The following CSNK1G1 variants were observed in gnomAD, a reference collection of about 807,000 sequenced individuals.
CSNK1G1 encodes the protein casein kinase I isoform gamma-1.
In CSNK1G1, 22 loss-of-function variants were observed where a neutral mutation model predicts 59.6. The ratio of observed to expected loss-of-function variants is 0.37; its 90% CI spans 0.26 to 0.53. The LOEUF is 0.53. Among genes scored for constraint, CSNK1G1 ranks in the 20% least tolerant of loss-of-function variants. CSNK1G1 has a pLI of 0.89. For missense variants in CSNK1G1, 384 were observed against 519.5 expected (o/e 0.74, Z 2.54); for synonymous variants, 179 against 177.1 (o/e 1.01, Z -0.08).
chr15:64,201,411 G>A (rs1283078250), intron 10 of CSNK1G1, among the ~76,000 whole-genome samples: 1 of 152,138 alleles, frequency 6.6e-6, no homozygotes, highest in Non-Finnish European at 1.5e-5. Context: ...CTTTTAAAAA[G>A]GGAGGGATGG....
At chr15:64,278,432 A>ATAT (rs1555400376) in intron 2 of CSNK1G1, among the ~76,000 whole-genome samples, 2 of 127,960 alleles carry the variant, frequency 1.6e-5, no homozygotes, top group East Asian at 2.2e-4. Flanking sequence ...ATATATATAT[A>ATAT]TTTTTTTTTT....
chr15:64,320,215 T>C (rs2042776613), intron 1 of CSNK1G1, among the ~76,000 whole-genome samples: 2 of 151,904 alleles, frequency 1.3e-5, no homozygotes, highest in Non-Finnish European at 2.9e-5. Context: ...TCTAGATAAT[T>C]CCACCGAAAC....
chr15:64,168,127 G>T lies in CSNK1G1; in HGVS notation c.*3804C>A, dbSNP rs531280157. The T allele has an allele frequency of 6.5e-6, 1 of 152,782 alleles. No homozygotes were observed. Among genetic ancestry groups the T allele is most frequent in the South Asian group, 2.1e-4 (1 of 4,830 alleles). 9.5% of individuals were successfully genotyped at this position (152,782 alleles called of 1,614,324 possible). A position where few individuals can be genotyped will look rare whatever the true frequency, so the allele number is the denominator to read the frequency against. ...GTACTTGGAGTTCATTTAGAAAAAA[G>T]AGACAATCAACATGTCTAGAAACCT... is the stretch of plus-strand genomic sequence containing the variant. On this transcript the variant is annotated 3_prime_UTR_variant, in exon 12 of 12. Transcript: ENST00000303052.
chr15:64,287,608 G>C (rs1894499485), intron 2 of CSNK1G1, among the ~76,000 whole-genome samples: 1 of 152,110 alleles, frequency 6.6e-6, no homozygotes, highest in Non-Finnish European at 1.5e-5. Context: ...TCAAAGGTTT[G>C]ATCCAATTCA....
intron 2 of CSNK1G1, among the ~76,000 whole-genome samples, chr15:64,295,083 A>C (rs1200281645): frequency 6.6e-6 from 1 of 152,022 alleles, no homozygotes; most frequent in Non-Finnish European, 1.5e-5. Context: ...GTGATTTCTT[A>C]ATCCCTATCT....
intron 1 of CSNK1G1, among the ~76,000 whole-genome samples, chr15:64,307,569 T>C (rs1236603911): frequency 6.6e-6 from 1 of 152,178 alleles, no homozygotes; most frequent in Non-Finnish European, 1.5e-5. Context: ...CACTACTGTA[T>C]TTCATGTACA....
rs2140203975 is a variant in CSNK1G1, at chr15:64,176,562, C to T, written c.1214+3786G>A. On this transcript the variant is annotated intron_variant, in intron 11 of 11. Transcript: ENST00000303052. The surrounding 1 kb of genome is among the most constrained non-coding windows in gnomAD (Gnocchi z 5.2). The stretch of plus-strand genomic sequence containing the variant: ...AAAACAGAAAGAGTTGGTAGGAGCT[C>T]CAGGGTGGGCTTTCCTGGGCAACTT... 6.6e-6 allele frequency among the ~76,000 whole-genome samples: 1 copy of T among 152,190 alleles called. No homozygotes were observed. Among genetic ancestry groups the T allele is most frequent in the South Asian group, 2.1e-4 (1 of 4,816 alleles).
At chr15:64,290,334 C>A (rs1894669375) in intron 2 of CSNK1G1, among the ~76,000 whole-genome samples, 1 of 150,266 alleles carries the variant, frequency 6.7e-6, no homozygotes, top group African/African-American at 2.5e-5. Flanking sequence ...TACACATACA[C>A]ACACACATTT....
chr15:64,314,199 C>T (rs1896147686), intron 1 of CSNK1G1, among the ~76,000 whole-genome samples: 1 of 152,138 alleles, frequency 6.6e-6, no homozygotes, highest in South Asian at 2.1e-4. Context: ...GCAATGCAGC[C>T]TTGAACACAT....
At position 64,254,278 on chromosome 15, in the gene CSNK1G1, G is replaced by A. The variant is rs150381678; in HGVS notation, c.223-2697C>T. ...TTAACAGATACAAAATTTCAGTTAGGGAAGATGAAAAAGTTCTGGAGATGG... is the reference window on the plus strand; with the variant it reads ...TTAACAGATACAAAATTTCAGTTAGAGAAGATGAAAAAGTTCTGGAGATGG... On this transcript the variant is annotated intron_variant, in intron 3 of 11. Transcript: ENST00000303052. Among the ~76,000 whole-genome samples the A allele has an allele frequency of 7.9e-5, 12 of 152,138 alleles. No individual in the cohort carries two copies. In the East Asian group the frequency reaches 2.3e-3, roughly 29 times the overall value.
At chr15:64,280,623 G>T (rs979362897) in intron 2 of CSNK1G1, among the ~76,000 whole-genome samples, 2 of 152,036 alleles carry the variant, frequency 1.3e-5, no homozygotes, top group Admixed American at 1.3e-4. Flanking sequence ...GCCTCCCAAA[G>T]TGTTAAGGAT....
At chr15:64,283,532 G>A (rs945760871) in intron 2 of CSNK1G1, among the ~76,000 whole-genome samples, 2 of 151,952 alleles carry the variant, frequency 1.3e-5, no homozygotes, top group South Asian at 2.1e-4. Context: ...AGTAGAGATG[G>A]GGTTTCACCA....
chr15:64,348,012 A>C (rs567849081), intron 1 of CSNK1G1, among the ~76,000 whole-genome samples: 89 of 152,302 alleles, frequency 5.8e-4, no homozygotes, highest in African/African-American at 2.1e-3. Context: ...GTCAAAAAAA[A>C]AAAAAAGACA....
At chr15:64,198,729 TA>T (rs61213062) in intron 10 of CSNK1G1, among the ~76,000 whole-genome samples, 27,993 of 141,302 alleles carry the variant, frequency 0.2, 3,500 homozygotes, top group African/African-American at 0.38. Flanking sequence ...CAAATTTTCT[TA>T]AAAAAAAAAA....
Position 64,326,826 on chromosome 15 carries a change from G to A in CSNK1G1, c.-224-26103C>T, listed in dbSNP as rs1357958224. On this transcript the variant is annotated intron_variant, in intron 1 of 11. Transcript: ENST00000303052. The stretch of plus-strand genomic sequence containing the variant: ...AGGCCAGTGGGTGCGCGCACCGTGC[G>A]CGAGCCGAAGCAGGGCGAGGCATTG... Among the ~76,000 whole-genome samples the A allele has an allele frequency of 2.0e-3, 288 of 147,452 alleles. 1 individual carries two copies. The highest frequency in any genetic ancestry group is 7.3e-3 in the African/African-American group (276 of 37,654).
intron 2 of CSNK1G1, among the ~76,000 whole-genome samples, chr15:64,263,690 C>A (rs529561464): frequency 2.0e-4 from 31 of 152,204 alleles, no homozygotes; most frequent in African/African-American, 7.2e-4. Context: ...TCAGCCTTGT[C>A]TGGAGTGCTA....
intron 1 of CSNK1G1, among the ~76,000 whole-genome samples, chr15:64,310,782 A>G (rs1429944569): frequency 1.3e-5 from 2 of 151,952 alleles, no homozygotes; most frequent in East Asian, 1.9e-4. Context: ...CGAGGCAGGC[A>G]GATCACAAGG....
At chr15:64,351,215 A>T (rs1898266001) in intron 1 of CSNK1G1, among the ~76,000 whole-genome samples, 1 of 152,208 alleles carries the variant, frequency 6.6e-6, no homozygotes, top group African/African-American at 2.4e-5. Context: ...TTGAGTAAAA[A>T]GAAAGCACCG....
At chr15:64,253,843 T>C (rs975962304) in intron 3 of CSNK1G1, among the ~76,000 whole-genome samples, 2 of 152,120 alleles carry the variant, frequency 1.3e-5, no homozygotes, top group African/African-American at 4.8e-5. Flanking sequence ...GTCTACTTAA[T>C]ATTAAGTACC....
Sources: allele counts gnomAD v4.1 joint callset (sites outside exome capture counted in the v4.1 genomes callset), GRCh38; gene constraint gnomAD v4.1.1; non-coding constraint Gnocchi (gnomAD v3.1); transcripts MANE v1.5; gene names NCBI Gene and HGNC (gene_info 2026-07-23, HGNC 2026-07-21).